RBM47: variants seen among roughly 807,000 people sequenced by gnomAD.
RBM47 encodes the protein RNA binding motif protein 47.
A neutral mutation model predicts 47.1 loss-of-function variants in RBM47; 21 were observed. The ratio of observed to expected loss-of-function variants is 0.45; its 90% CI spans 0.32 to 0.64. The LOEUF (loss-of-function observed/expected upper bound fraction) is 0.64, where lower values mean the gene tolerates loss of function less well. Ranked by LOEUF, RBM47 falls within the 30% of genes least tolerant of loss-of-function variation. RBM47 has a pLI of 0.05. For synonymous variants in RBM47, 375 were observed against 361.7 expected, an observed-to-expected ratio of 1.04 and a Z score of -0.42; for missense variants, 708 against 870.9, an observed-to-expected ratio of 0.81 and a Z score of 2.35.
At chr4:40,471,097 G>C (rs901151323) in intron 2 of RBM47, among the ~76,000 whole-genome samples, 1 of 152,056 alleles carries the variant, frequency 6.6e-6, no homozygotes, top group African/African-American at 2.4e-5. Context: ...TAGTACATGG[G>C]GTCCTAAAGC....
intron 1 of RBM47, among the ~76,000 whole-genome samples, chr4:40,549,915 C>T (rs1391108315): frequency 6.6e-6 from 1 of 152,184 alleles, no homozygotes; most frequent in Non-Finnish European, 1.5e-5. Context: ...TGTGATCCAC[C>T]CGCCTCGGCC....
In RBM47 at chr4:40,437,073, C is replaced by CAAAAAAA. The variant is rs750922605; in HGVS notation, c.1124-433_1124-427dup. ...TGGGGAGCATGGTGAGACCCTGTCTCAAAAAAAAAAAAAAAAAATATATAT... is the reference window on the plus strand; with the variant it reads ...TGGGGAGCATGGTGAGACCCTGTCTCAAAAAAAAAAAAAAAAAAAAAAAAATATATAT... On this transcript the variant is annotated intron_variant, in intron 4 of 6. Transcript: ENST00000295971. 7.5e-4 allele frequency among the ~76,000 whole-genome samples: 16 copies of CAAAAAAA among 21,286 alleles called. 3 individuals are homozygous for CAAAAAAA. The highest frequency in any genetic ancestry group is 2.9e-3 in the African/African-American group (13 of 4,462). The allele number at this position is 21,286 out of a possible 152,430, so 14.0% of individuals were successfully genotyped here.
At chr4:40,590,128 G>A (rs1733990507) in intron 1 of RBM47, among the ~76,000 whole-genome samples, 1 of 152,184 alleles carries the variant, frequency 6.6e-6, no homozygotes, top group African/African-American at 2.4e-5. Context: ...CGGGGAATAG[G>A]CCAGGTACTG....
chr4:40,431,541 C>A (rs1044423140), intron 6 of RBM47, among the ~76,000 whole-genome samples: 3 of 151,964 alleles, frequency 2.0e-5, no homozygotes, highest in African/African-American at 7.3e-5. Flanking sequence ...GCCTGTAGTC[C>A]CAGCTACTCG....
chr4:40,436,182 A>C (rs1367989916), intron 5 of RBM47, among the ~76,000 whole-genome samples: 2 of 47,724 alleles, frequency 4.2e-5, no homozygotes, highest in African/African-American at 1.1e-4. Flanking sequence ...AAAAAAAAAA[A>C]AAAACAAACA....
intron 2 of RBM47, among the ~76,000 whole-genome samples, chr4:40,507,761 G>A (rs1002690020): frequency 2.0e-5 from 3 of 151,902 alleles, no homozygotes; most frequent in Non-Finnish European, 4.4e-5. Flanking sequence ...ATTCCAGCCT[G>A]GGCGACAGAG....
intron 3 of RBM47, among the ~76,000 whole-genome samples, chr4:40,464,129 T>C (rs1184553012): frequency 6.6e-6 from 1 of 152,248 alleles, no homozygotes; most frequent in Non-Finnish European, 1.5e-5. Flanking sequence ...ACACGTAATG[T>C]AATAAACACA....
chr4:40,609,712 G>A (rs924644737), intron 1 of RBM47, among the ~76,000 whole-genome samples: 1 of 151,942 alleles, frequency 6.6e-6, no homozygotes, highest in African/African-American at 2.4e-5. Context: ...GTTTCTTCCC[G>A]CCTCTTCAGC....
At chr4:40,529,780 G>C (rs1368920254) in intron 2 of RBM47, among the ~76,000 whole-genome samples, 1 of 149,756 alleles carries the variant, frequency 6.7e-6, no homozygotes, top group African/African-American at 2.4e-5. Flanking sequence ...AGTGAGCCGA[G>C]ATTGTGCCAC....
At chr4:40,503,057 G>A (rs1371492599) in intron 2 of RBM47, among the ~76,000 whole-genome samples, 1 of 151,726 alleles carries the variant, frequency 6.6e-6, no homozygotes, top group Non-Finnish European at 1.5e-5. Context: ...ACAGAGGACA[G>A]TGTTACATCA....
chr4:40,485,209 T>C (rs934734890), intron 2 of RBM47, among the ~76,000 whole-genome samples: 5 of 152,232 alleles, frequency 3.3e-5, no homozygotes, highest in African/African-American at 1.2e-4. Context: ...TTGACAAGAA[T>C]TCCAAACAGT....
chr4:40,554,405 C>CAAAAAAAAA (rs59793972), intron 1 of RBM47, among the ~76,000 whole-genome samples: 3 of 91,042 alleles, frequency 3.3e-5, no homozygotes, highest in East Asian at 3.2e-4. Context: ...AAGCAAACCT[C>CAAAAAAAAA]AAAAAAAAAA....
intron 2 of RBM47, among the ~76,000 whole-genome samples, chr4:40,474,150 C>A (rs1329881678): frequency 1.3e-5 from 2 of 152,168 alleles, no homozygotes; most frequent in African/African-American, 2.4e-5. Context: ...AAAAAGCAAT[C>A]ATCATAGCTG....
chr4:40,550,130 C>G (rs182987966), intron 1 of RBM47, among the ~76,000 whole-genome samples: 17 of 152,312 alleles, frequency 1.1e-4, no homozygotes, highest in African/African-American at 4.1e-4. Context: ...TGGAACGAAG[C>G]TGGGTTTGAT....
At chr4:40,528,949 A>AAAAAAAAAT (rs1553896751) in intron 2 of RBM47, among the ~76,000 whole-genome samples, 11 of 88,652 alleles carry the variant, frequency 1.2e-4, no homozygotes, top group African/African-American at 5.4e-4. Flanking sequence ...TCTCAAAAAA[A>AAAAAAAAAT]AAATAAATAA....
At chr4:40,598,848 C>CA (rs34007215) in intron 1 of RBM47, among the ~76,000 whole-genome samples, 20 of 137,600 alleles carry the variant, frequency 1.5e-4, no homozygotes, top group Admixed American at 2.2e-4. Context: ...CTTGTAAAAC[C>CA]AAAAAAAAAA....
Position 40,425,978 on chromosome 4 carries a change from C to G in RBM47, c.1708G>C (p.Ala570Pro). The G allele has an allele frequency of 6.2e-7, 1 of 1,614,174 alleles. No individual in the cohort carries two copies. Among genetic ancestry groups the G allele is most frequent in the Non-Finnish European group, 8.5e-7 (1 of 1,180,028 alleles). The stretch of plus-strand genomic sequence containing the variant: ...GGGAAGGCCTGAGGTATGTAGCCTG[C>G]GTATCCTCCATACATGGCGGCCGCG... ...AAAAAMYGGY[A>P]GYIPQAFPAA... is the part of the protein sequence containing the mutation. The change falls in exon 7 of 7, where the codon GCA (alanine) becomes CCA (proline). Residue 570 changes from alanine (A) to proline (P), a missense_variant. Physicochemically the swap from Ala to Pro is conservative, Grantham distance 27 (BLOSUM62 -1). Coordinates refer to ENST00000295971, the MANE Select transcript of RBM47 (RefSeq NM_001098634.2).
chr4:40,433,631 G>A (rs1711735195), intron 5 of RBM47, among the ~76,000 whole-genome samples: 1 of 152,058 alleles, frequency 6.6e-6, no homozygotes, highest in South Asian at 2.1e-4. Flanking sequence ...CAGCCGCACT[G>A]CCTTTTTTTC....
chr4:40,457,180 G>A (rs981355827), intron 3 of RBM47, among the ~76,000 whole-genome samples: 1 of 151,916 alleles, frequency 6.6e-6, no homozygotes, highest in Non-Finnish European at 1.5e-5. Flanking sequence ...AGCACTTTTG[G>A]AGGCCAAGTG....
Sources: gnomAD v4.1 joint callset for allele counts (sites outside exome capture counted in the v4.1 genomes callset) on GRCh38, gnomAD v4.1.1 for gene constraint, MANE v1.5 for transcripts, NCBI Gene and HGNC (gene_info 2026-07-23, HGNC 2026-07-21) for gene names.